The following KDM2B variants were observed in gnomAD, a reference collection of about 807,000 sequenced individuals.
The protein encoded by KDM2B is lysine demethylase 2B, also known as lysine-specific demethylase 2B.
Under a neutral mutation model 150.0 loss-of-function variants are expected in KDM2B, and 26 were observed. The ratio of observed to expected loss-of-function variants is 0.17; its 90% CI spans 0.13 to 0.24. The LOEUF (loss-of-function observed/expected upper bound fraction) is 0.24, where lower values mean the gene tolerates loss of function less well. Among genes scored for constraint, KDM2B ranks in the 10% least tolerant of loss-of-function variants. The probability of loss-of-function intolerance (pLI) is 1.00; values close to 1 mark genes in which losing one functional copy is unlikely to be tolerated. For synonymous variants in KDM2B, 734 were observed against 729.5 expected (o/e 1.01, Z -0.10); for missense variants, 1,265 against 1,816.9 (o/e 0.70, Z 5.52).
chr12:121,440,667 C>G (rs1274142653), intron 21 of KDM2B, 149 bp downstream of exon 21: 29 of 766,448 alleles, frequency 3.8e-5, no homozygotes, highest in Non-Finnish European at 2.1e-6. Flanking sequence ...TCCCAGATCC[C>G]CTCTGTGCCT....
intron 6 of KDM2B, chr12:121,535,971 A>G (rs1374423129): frequency 1.2e-6 from 1 of 848,896 alleles, no homozygotes; most frequent in East Asian, 1.2e-4. Context: ...GCTCACGCCC[A>G]TGCACCTTGG....
intron 12 of KDM2B, among the ~76,000 whole-genome samples, chr12:121,490,995 G>C (rs927189385): frequency 6.6e-5 from 10 of 152,132 alleles, no homozygotes; most frequent in African/African-American, 2.4e-4. Flanking sequence ...GCATCCAATG[G>C]GAGGAAGCTG....
rs1256913149 is a variant in KDM2B, at chr12:121,521,812, G to A, written c.932-712C>T. The stretch of plus-strand genomic sequence containing the variant: ...GAGCCAGACACAGTCACCATCACAA[G>A]GGAAACGGAGGCAGGGCCAGGTGTA... On this transcript the variant is annotated intron_variant, in intron 8 of 22. Coordinates refer to ENST00000377071, the MANE Select transcript of KDM2B (RefSeq NM_032590.5). This position sits in a 1 kb window ranked among gnomAD's most constrained non-coding sequence, Gnocchi z 4.9. Among the ~76,000 whole-genome samples the A allele has an allele frequency of 2.6e-5, 4 of 152,126 alleles. No individual in the cohort carries two copies. The highest frequency in any genetic ancestry group is 5.9e-5 in the Non-Finnish European group (4 of 68,032).
intron 12 of KDM2B, among the ~76,000 whole-genome samples, chr12:121,481,021 G>A (rs904584224): frequency 4.7e-5 from 7 of 148,660 alleles, no homozygotes; most frequent in African/African-American, 7.5e-5. Context: ...TCCACCTCCC[G>A]AGTTCAAGCG....
intron 12 of KDM2B, among the ~76,000 whole-genome samples, chr12:121,466,030 T>C (rs1205621154): frequency 6.6e-6 from 1 of 151,922 alleles, no homozygotes; most frequent in Non-Finnish European, 1.5e-5. Flanking sequence ...CCAACAAAGC[T>C]GAGAAAATAA....
intron 4 of KDM2B, among the ~76,000 whole-genome samples, chr12:121,568,692 A>G (rs1330644906): frequency 6.6e-6 from 1 of 152,154 alleles, no homozygotes; most frequent in Non-Finnish European, 1.5e-5. Context: ...GGCGGAGACT[A>G]CATGGGCAGA....
At position 121,467,370 on chromosome 12, in the gene KDM2B, G is replaced by T; in HGVS notation, c.1735-14026C>A. 2 of 981,054 alleles carry T rather than the reference G, an allele frequency of 2.0e-6. No individual in the cohort carries two copies. The highest frequency in any genetic ancestry group is 1.2e-6 in the Non-Finnish European group (1 of 828,012). The allele number at this position is 981,054 out of a possible 1,614,324, so 60.8% of individuals were successfully genotyped here. A position where few individuals can be genotyped will look rare whatever the true frequency, so the allele number is the denominator to read the frequency against. ...GGGAGCCGCGCCGCGCGCCTCGCAC[G>T]CCCGCGCTGGAGGGGGCGGGGAGGG... On this transcript the variant is annotated intron_variant, in intron 12 of 22. Transcript: ENST00000377071. This position sits in a 1 kb window ranked among gnomAD's most constrained non-coding sequence, Gnocchi z 5.1.
chr12:121,471,068 A>G (rs1555295855), intron 12 of KDM2B, among the ~76,000 whole-genome samples: 1 of 152,218 alleles, frequency 6.6e-6, no homozygotes, highest in Non-Finnish European at 1.5e-5. Flanking sequence ...CAATTATCCA[A>G]TATCTGTTTT....
In KDM2B at chr12:121,580,798, C is replaced by A. The variant is rs1194260502; in HGVS notation, c.114G>T (p.Glu38Asp). 1.9e-6 allele frequency: 3 copies of A among 1,613,430 alleles called. No individual in the cohort carries two copies. The highest frequency in any genetic ancestry group is 2.5e-6 in the Non-Finnish European group (3 of 1,179,820). Residue 38 changes from glutamate to aspartate, a missense_variant, in exon 1 of 23, where the codon GAG (glutamate) becomes GAT (aspartate). Glu to Asp is a conservative substitution (Grantham distance 45). Around this residue, in one of 11 missense-constraint regions of KDM2B, gnomAD observed 53 missense variants for 56.0 expected, o/e 0.95. Coordinates refer to ENST00000377071, the MANE Select transcript of KDM2B (RefSeq NM_032590.5). ...TVIYTKCFEFESATQRPIDRQ... is the reference protein window; with the variant it reads ...TVIYTKCFEFDSATQRPIDRQ... The stretch of plus-strand genomic sequence containing the variant: ...CCCCCAACATTACCTGTGTGGCCGA[C>A]TCAAATTCAAAGCATTTTGTATATA...
the KDM2B span, among the ~76,000 whole-genome samples, chr12:121,413,814 A>G: frequency 6.6e-6 from 1 of 151,832 alleles, no homozygotes; most frequent in East Asian, 1.9e-4. Context: ...TGATCTCGTG[A>G]TCCACCCGCC....
At chr12:121,512,521 TAAAAA>T (rs1297978773) in intron 10 of KDM2B, among the ~76,000 whole-genome samples, 1 of 145,814 alleles carries the variant, frequency 6.9e-6, no homozygotes, top group African/African-American at 2.5e-5. Context: ...ATCCCCTGGT[TAAAAA>T]AAAAAAGATG....
Position 121,444,660 on chromosome 12 carries a change from G to A in KDM2B, c.2104-124C>T, listed in dbSNP as rs571667928. ...CCCTCCCCAACGTCACATCTATCCC[G>A]TTTCCAGGCAAAAGAAAACACAGCT... On this transcript the variant is annotated intron_variant, in intron 14 of 22. Transcript: ENST00000377071. 45 of 777,372 alleles carry A rather than the reference G, an allele frequency of 5.8e-5. No homozygotes were observed. The Admixed American group carries it at 6.9e-4, about 12-fold the overall frequency. The allele number at this position is 777,372 out of a possible 1,614,324, so 48.2% of individuals were successfully genotyped here. A position where few individuals can be genotyped will look rare whatever the true frequency, so the allele number is the denominator to read the frequency against.
intron 11 of KDM2B, among the ~76,000 whole-genome samples, chr12:121,503,837 C>A (rs1221466779): frequency 6.6e-6 from 1 of 152,224 alleles, no homozygotes; most frequent in Admixed American, 6.5e-5. Context: ...CAGTTTCACC[C>A]AAGGGTAAGT....
intron 13 of KDM2B, among the ~76,000 whole-genome samples, chr12:121,450,902 G>C (rs1877153840): frequency 6.6e-6 from 1 of 151,732 alleles, no homozygotes; most frequent in South Asian, 2.1e-4. Context: ...ATGCACCCGT[G>C]GTGGGAATGT....
chr12:121,550,171 G>C (rs577359622), intron 4 of KDM2B, among the ~76,000 whole-genome samples: 1 of 152,110 alleles, frequency 6.6e-6, no homozygotes, highest in Non-Finnish European at 1.5e-5. Flanking sequence ...ATAGCCGGGC[G>C]TGGTGGCTCA....
intron 8 of KDM2B, among the ~76,000 whole-genome samples, chr12:121,523,749 C>T (rs1352095628): frequency 1.3e-5 from 2 of 152,332 alleles, no homozygotes; most frequent in Admixed American, 6.5e-5. Flanking sequence ...CCAGTGCTGC[C>T]GGGTACAGGC....
chr12:121,562,930 C>T (rs1429500795), intron 4 of KDM2B, among the ~76,000 whole-genome samples: 1 of 152,010 alleles, frequency 6.6e-6, no homozygotes, highest in East Asian at 1.9e-4. Flanking sequence ...GCATGAATAC[C>T]GAATGAAGTC....
At chr12:121,554,667 T>C (rs1026689135) in intron 4 of KDM2B, among the ~76,000 whole-genome samples, 9 of 151,954 alleles carry the variant, frequency 5.9e-5, no homozygotes, top group African/African-American at 9.7e-5. Context: ...TGCCTCAGCC[T>C]CCCAAAGTGC....
intron 4 of KDM2B, among the ~76,000 whole-genome samples, chr12:121,557,493 G>A (rs1555312972): frequency 1.3e-5 from 2 of 152,050 alleles, no homozygotes; most frequent in African/African-American, 4.8e-5. Flanking sequence ...ACCCACCTCA[G>A]CCTCCCAAAG....
Sources: gnomAD v4.1 joint callset for allele counts (sites outside exome capture counted in the v4.1 genomes callset) on GRCh38, gnomAD v4.1.1 for gene constraint, gnomAD v4.1.1 regional missense constraint, Gnocchi (gnomAD v3.1) non-coding constraint, MANE v1.5 for transcripts, NCBI Gene and HGNC (gene_info 2026-07-23, HGNC 2026-07-21) for gene names.